PRIM2: variants seen among roughly 807,000 people sequenced by gnomAD.
PRIM2 encodes the protein DNA primase large subunit.
PRIM2 carries 39 observed loss-of-function variants against 67.3 expected under a neutral mutation model. That is an observed-to-expected ratio of 0.58 (90% confidence interval 0.45 to 0.76). The LOEUF is 0.76. PRIM2 is among the 30% of genes least tolerant of loss of function. The pLI is 0.00. For synonymous variants in PRIM2, 143 were observed against 198.7 expected, an observed-to-expected ratio of 0.72 and a Z score of 2.36; for missense variants, 398 against 598.7, an observed-to-expected ratio of 0.66 and a Z score of 3.50.
At chr6:57,262,681 A>G in the PRIM2 span, among the ~76,000 whole-genome samples, 1 of 152,136 alleles carries the variant, frequency 6.6e-6, no homozygotes, top group Non-Finnish European at 1.5e-5. Flanking sequence ...TGGTGCAGAG[A>G]GGAGAATGTC....
chr6:57,414,064 A>G (rs1771180604), intron 7 of PRIM2, among the ~76,000 whole-genome samples: 1 of 152,106 alleles, frequency 6.6e-6, no homozygotes, highest in Admixed American at 6.5e-5. Context: ...GTTAAGGGGG[A>G]AACAAGCGTT....
At chr6:57,446,295 T>TG (rs1334924927) in intron 7 of PRIM2, among the ~76,000 whole-genome samples, 3 of 150,828 alleles carry the variant, frequency 2.0e-5, no homozygotes, top group South Asian at 2.1e-4. Context: ...TTTTGTTTTT[T>TG]TTTTTTTTAG....
the PRIM2 span, among the ~76,000 whole-genome samples, chr6:57,240,275 T>A: frequency 6.6e-6 from 1 of 152,054 alleles, no homozygotes; most frequent in African/African-American, 2.4e-5. Context: ...GCTAAATTTG[T>A]ATTTTTAGTA....
chr6:57,547,776 C>G (rs1775318285), intron 10 of PRIM2, among the ~76,000 whole-genome samples: 1 of 152,132 alleles, frequency 6.6e-6, no homozygotes, highest in Admixed American at 6.5e-5. Context: ...ATAATTGGGT[C>G]AAGGAACATT....
At chr6:57,279,711 A>G in the PRIM2 span, among the ~76,000 whole-genome samples, 1 of 152,256 alleles carries the variant, frequency 6.6e-6, no homozygotes, top group African/African-American at 2.4e-5. Context: ...GCCAGGCTCC[A>G]AAGCCTGGAT....
At chr6:57,304,266 C>T in the PRIM2 span, among the ~76,000 whole-genome samples, 785 of 152,000 alleles carry the variant, frequency 5.2e-3, 9 homozygotes, top group Middle Eastern at 0.044. Flanking sequence ...AATGAAGGGA[C>T]CCCAGAGAAT....
chr6:57,603,867 G>A (rs1482118959), intron 11 of PRIM2, among the ~76,000 whole-genome samples: 2 of 152,082 alleles, frequency 1.3e-5, no homozygotes, highest in Admixed American at 6.6e-5. Flanking sequence ...GCAGCGTTTT[G>A]TAGTTCTTCT....
the PRIM2 span, among the ~76,000 whole-genome samples, chr6:57,279,720 A>C: frequency 6.6e-6 from 1 of 152,232 alleles, no homozygotes; most frequent in Non-Finnish European, 1.5e-5. Context: ...CAAAGCCTGG[A>C]TAATAACACA....
chr6:57,622,710 G>A (rs1468987818), intron 12 of PRIM2, among the ~76,000 whole-genome samples: 1 of 152,042 alleles, frequency 6.6e-6, no homozygotes, highest in Non-Finnish European at 1.5e-5. Context: ...ACTTAAGAGT[G>A]AATTAAAACC....
chr6:57,437,658 A>G lies in PRIM2; in HGVS notation c.693+55490A>G, dbSNP rs112448556. ...CAACTAACAAAGATCCTTGGGAAGG[A>G]TTCCTTTTTTTTTTTTTTTTTTTTT... is the stretch of plus-strand genomic sequence containing the variant. On this transcript the variant is annotated intron_variant, in intron 7 of 13. Transcript: ENST00000615550. 4.9e-4 allele frequency among the ~76,000 whole-genome samples: 65 copies of G among 132,742 alleles called. 2 individuals carry two copies. The highest frequency in any genetic ancestry group is 3.9e-3 in the South Asian group (15 of 3,840). The allele number at this position is 132,742 out of a possible 152,430, so 87.1% of individuals were successfully genotyped here.
At chr6:57,256,833 A>G in the PRIM2 span, among the ~76,000 whole-genome samples, 1 of 152,158 alleles carries the variant, frequency 6.6e-6, no homozygotes, top group East Asian at 1.9e-4. Flanking sequence ...TTTTGAGTGT[A>G]GCCATGGTGA....
chr6:57,236,469 G>A, the PRIM2 span, among the ~76,000 whole-genome samples: 1 of 151,908 alleles, frequency 6.6e-6, no homozygotes, highest in African/African-American at 2.4e-5. Flanking sequence ...ACAACGTGCA[G>A]GTTTGTTACA....
In PRIM2 at chr6:57,499,596, T is replaced by A. The variant is rs1340869555; in HGVS notation, c.694-7791T>A. ...ACTATACCCTTTGGTCCTTCAGTCATACTTCTGCACAACTGTCCATAAAAA... is the reference window on the plus strand; with the variant it reads ...ACTATACCCTTTGGTCCTTCAGTCAAACTTCTGCACAACTGTCCATAAAAA... On this transcript the variant is annotated intron_variant, in intron 7 of 13. Transcript: ENST00000615550. Among the ~76,000 whole-genome samples the A allele has an allele frequency of 1.2e-3, 182 of 152,328 alleles. 2 individuals carry two copies. Among genetic ancestry groups the A allele is most frequent in the African/African-American group, 4.2e-3 (175 of 41,590 alleles).
At chr6:57,565,280 C>A (rs1333052765) in intron 10 of PRIM2, among the ~76,000 whole-genome samples, 1 of 148,118 alleles carries the variant, frequency 6.8e-6, no homozygotes, top group African/African-American at 2.5e-5. Flanking sequence ...TTTATTTATC[C>A]CTTTTTATTC....
chr6:57,505,679 G>T, intron 7 of PRIM2, among the ~76,000 whole-genome samples: 1 of 152,262 alleles, frequency 6.6e-6, no homozygotes, highest in East Asian at 1.9e-4. Context: ...AGAAACAACA[G>T]TGGAGATGTA....
chr6:57,429,191 C>T (rs539280861), intron 7 of PRIM2, among the ~76,000 whole-genome samples: 2 of 152,144 alleles, frequency 1.3e-5, no homozygotes, highest in African/African-American at 4.8e-5. Context: ...AGGTTTTGCC[C>T]TATGGGAGGG....
intron 7 of PRIM2, among the ~76,000 whole-genome samples, chr6:57,402,413 C>G (rs1770744067): frequency 6.6e-6 from 1 of 152,144 alleles, no homozygotes; most frequent in African/African-American, 2.4e-5. Flanking sequence ...CTCAAGAACT[C>G]TCTTTGTAGT....
chr6:57,310,433 T>C (rs1256560168), upstream of PRIM2, among the ~76,000 whole-genome samples: 1 of 152,012 alleles, frequency 6.6e-6, no homozygotes, highest in Non-Finnish European at 1.5e-5. Flanking sequence ...CAAAATGGAG[T>C]CTCCTATGTC....
chr6:57,576,990 G>A (rs1241465217), intron 10 of PRIM2, among the ~76,000 whole-genome samples: 1 of 151,896 alleles, frequency 6.6e-6, no homozygotes, highest in Non-Finnish European at 1.5e-5. Context: ...GGATGTCATA[G>A]TAAATACAAA....
Sources: gnomAD v4.1 joint callset for allele counts (sites outside exome capture counted in the v4.1 genomes callset) on GRCh38, gnomAD v4.1.1 for gene constraint, MANE v1.5 for transcripts, NCBI Gene and HGNC (gene_info 2026-07-23, HGNC 2026-07-21) for gene names.